SLIT3: variants seen among roughly 807,000 people sequenced by gnomAD.
The protein encoded by SLIT3 is slit homolog 3 protein.
A neutral mutation model predicts 184.0 loss-of-function variants in SLIT3; 68 were observed. That is an observed-to-expected ratio of 0.37 (90% confidence interval 0.30 to 0.45). The LOEUF is 0.45. Among genes scored for constraint, SLIT3 ranks in the 20% least tolerant of loss-of-function variants. The pLI is 1.00. For synonymous variants in SLIT3, 831 were observed against 828.6 expected, an observed-to-expected ratio of 1.00 and a Z score of -0.05; for missense variants, 1,707 against 2,026.0, an observed-to-expected ratio of 0.84 and a Z score of 3.02.
chr5:169,292,394 T>C (rs1767386650), intron 1 of SLIT3, among the ~76,000 whole-genome samples: 1 of 151,058 alleles, frequency 6.6e-6, no homozygotes, highest in Non-Finnish European at 1.5e-5. Context: ...AAACCAAGAG[T>C]ATAGAGAAAA....
intron 35 of SLIT3, among the ~76,000 whole-genome samples, chr5:168,669,359 C>A (rs919243758): frequency 6.6e-6 from 1 of 152,206 alleles, no homozygotes; most frequent in African/African-American, 2.4e-5. Flanking sequence ...CAGGGCAGAA[C>A]TGGGACCTCC....
intron 4 of SLIT3, among the ~76,000 whole-genome samples, chr5:169,079,528 G>A (rs1758886201): frequency 8.4e-6 from 1 of 119,144 alleles, no homozygotes; most frequent in African/African-American, 3.7e-5. Flanking sequence ...GAGGGAGGAG[G>A]AAGGAGGAGG....
At chr5:169,011,946 CT>C (rs35743496) in intron 4 of SLIT3, among the ~76,000 whole-genome samples, 2,149 of 140,446 alleles carry the variant, frequency 0.015, 15 homozygotes, top group Non-Finnish European at 0.018. Context: ...TTCTTTCTTG[CT>C]TTTTTTTTTT....
At chr5:168,967,435 A>ATATTTTTTTTTTT (rs556216624) in intron 4 of SLIT3, among the ~76,000 whole-genome samples, 1 of 30,760 alleles carries the variant, frequency 3.3e-5, no homozygotes, top group Non-Finnish European at 6.1e-5. Flanking sequence ...GCCATCTCAA[A>ATATTTTTTTTTTT]TCTTTTTTTT....
chr5:168,854,646 A>G (rs932575482), intron 5 of SLIT3, among the ~76,000 whole-genome samples: 12 of 152,200 alleles, frequency 7.9e-5, no homozygotes, highest in African/African-American at 2.2e-4. Context: ...GCTCCAGGCA[A>G]AAGTGGTAAA....
At chr5:168,746,002 T>C (rs1168672222) in intron 20 of SLIT3, among the ~76,000 whole-genome samples, 2 of 151,618 alleles carry the variant, frequency 1.3e-5, no homozygotes, top group Non-Finnish European at 2.9e-5. Context: ...TTAAGGTATG[T>C]ACATTGGTAC....
chr5:168,868,155 T>C (rs1759375156), intron 5 of SLIT3, among the ~76,000 whole-genome samples: 1 of 152,200 alleles, frequency 6.6e-6, no homozygotes, highest in African/African-American at 2.4e-5. Context: ...AGCCCAACTG[T>C]AAGATAAACT....
intron 4 of SLIT3, among the ~76,000 whole-genome samples, chr5:168,998,027 C>T (rs1448166850): frequency 6.6e-6 from 1 of 152,086 alleles, no homozygotes; most frequent in East Asian, 1.9e-4. Context: ...CCCTCTCTCT[C>T]CTCTGTTCAT....
intron 4 of SLIT3, among the ~76,000 whole-genome samples, chr5:169,148,474 T>A (rs1762004772): frequency 6.6e-6 from 1 of 152,228 alleles, no homozygotes; most frequent in Admixed American, 6.5e-5. Context: ...TAAACATGTT[T>A]GGTGCTGCTA....
At chr5:169,000,017 G>A (rs567245373) in intron 4 of SLIT3, among the ~76,000 whole-genome samples, 1 of 152,302 alleles carries the variant, frequency 6.6e-6, no homozygotes, top group East Asian at 1.9e-4. Context: ...GTAAAGTAAT[G>A]CCTATCACTT....
chr5:168,711,146 A>G (rs1762546657), intron 24 of SLIT3, 88 bp from the exon 25 acceptor site: 1 of 1,287,170 alleles, frequency 7.8e-7, no homozygotes, highest in Non-Finnish European at 1.0e-6. Flanking sequence ...GCATTTTCAG[A>G]CTTTGGCTAG....
chr5:168,924,703 G>A (rs1045199764), intron 4 of SLIT3, among the ~76,000 whole-genome samples: 1 of 152,136 alleles, frequency 6.6e-6, no homozygotes, highest in Non-Finnish European at 1.5e-5. Context: ...TGTAGAGATG[G>A]GGTTTTGCCA....
chr5:169,178,921 T>G (rs1763063973), intron 4 of SLIT3, among the ~76,000 whole-genome samples: 1 of 152,158 alleles, frequency 6.6e-6, no homozygotes, highest in African/African-American at 2.4e-5. Context: ...CTCACATTCT[T>G]CGGTGCAATG....
At chr5:168,872,852 G>A (rs1386868987) in intron 5 of SLIT3, among the ~76,000 whole-genome samples, 1 of 151,978 alleles carries the variant, frequency 6.6e-6, no homozygotes, top group Non-Finnish European at 1.5e-5. Flanking sequence ...GTGTTAGCCA[G>A]GATGGTCTTG....
intron 4 of SLIT3, among the ~76,000 whole-genome samples, chr5:168,984,776 AG>A (rs1755069550): frequency 6.6e-6 from 1 of 152,192 alleles, no homozygotes; most frequent in African/African-American, 2.4e-5. Flanking sequence ...TGTGAGTTAC[AG>A]GAAAAATGGA....
intron 4 of SLIT3, among the ~76,000 whole-genome samples, chr5:168,928,918 T>C (rs1365904815): frequency 6.6e-6 from 1 of 152,208 alleles, no homozygotes; most frequent in Non-Finnish European, 1.5e-5. Flanking sequence ...AGTCTGCCTC[T>C]GCCTCTTGGC....
Position 168,669,849 on chromosome 5 carries a change from T to C in SLIT3, c.4270A>G (p.Ile1424Val). The change falls in exon 35 of 36, where the codon ATC becomes GTC. Residue 1424 changes from isoleucine (I) to valine (V), a missense_variant. By Grantham distance (29) the Ile-to-Val change is conservative. This residue lies in a region of SLIT3 where 387 missense variants were observed against 477.9 expected (regional missense o/e 0.81). Transcript: ENST00000519560. The part of the protein sequence containing the change: ...AFKCHHGQCH[I>V]SDQGEPYCLC... The stretch of plus-strand genomic sequence containing the variant: ...CAGTAGGGCTCCCCTTGGTCTGAGA[T>C]GTGGCACTGCCCATGGTGACACTTG... 1 of 1,614,208 alleles carries C rather than the reference T, an allele frequency of 6.2e-7. No individual in the cohort carries two copies. Among genetic ancestry groups the C allele is most frequent in the East Asian group, 2.2e-5 (1 of 44,882 alleles).
chr5:168,698,320 G>A (rs1762118877), intron 27 of SLIT3, among the ~76,000 whole-genome samples: 2 of 152,152 alleles, frequency 1.3e-5, no homozygotes, highest in African/African-American at 4.8e-5. Flanking sequence ...GTTAAGTTGA[G>A]GTCCTACTAA....
chr5:169,094,021 G>A (rs1759685723), intron 4 of SLIT3, among the ~76,000 whole-genome samples: 1 of 152,082 alleles, frequency 6.6e-6, no homozygotes, highest in Non-Finnish European at 1.5e-5. Flanking sequence ...TCACATCATG[G>A]TCCTAACAAC....
Sources: allele counts gnomAD v4.1 joint callset (sites outside exome capture counted in the v4.1 genomes callset), GRCh38; gene constraint gnomAD v4.1.1; regional missense constraint gnomAD v4.1.1; transcripts MANE v1.5; gene names NCBI Gene and HGNC (gene_info 2026-07-23, HGNC 2026-07-21).